The following PUM1 variants were observed in gnomAD, a reference collection of about 807,000 sequenced individuals.
PUM1 encodes the protein pumilio homolog 1.
Under a neutral mutation model 131.8 loss-of-function variants are expected in PUM1, and 13 were observed. That is an observed-to-expected ratio of 0.10 (90% CI 0.06 to 0.16). The LOEUF (loss-of-function observed/expected upper bound fraction) is 0.16. Ranked by LOEUF, PUM1 falls within the 10% of genes least tolerant of loss-of-function variation. The probability of loss-of-function intolerance (pLI) is 1.00; values close to 1 mark genes in which losing one functional copy is unlikely to be tolerated. For synonymous variants in PUM1, 509 were observed against 556.5 expected (o/e 0.91, Z 1.20); for missense variants, 961 against 1,512.4 (o/e 0.64, Z 6.05).
At position 30,932,588 on chromosome 1, in the gene PUM1, ATAAACT is replaced by A. The variant is rs1380099917; in HGVS notation, c.*617_*622del. 6.7e-6 allele frequency: 1 copy of A among 150,270 alleles called. No individual in the cohort carries two copies. Among genetic ancestry groups the A allele is most frequent in the Non-Finnish European group, 1.5e-5 (1 of 67,706 alleles). The allele number at this position is 150,270 out of a possible 1,614,324, so 9.3% of individuals were successfully genotyped here. ...CAAAAAAGGCATTTTTTAGAATTTC[ATAAACT>A]TAATGTCACAAACTGAAGCTTTAGC... On this transcript the variant is annotated 3_prime_UTR_variant, in exon 22 of 22. Coordinates refer to ENST00000426105, the MANE Select transcript of PUM1 (RefSeq NM_001020658.2).
intron 18 of PUM1, among the ~76,000 whole-genome samples, chr1:30,944,815 G>A (rs1485486639): frequency 1.3e-5 from 2 of 152,216 alleles, no homozygotes; most frequent in Non-Finnish European, 2.9e-5. Context: ...TTATGATGGT[G>A]TTTCATCCCA....
chr1:31,019,018 G>A (rs868252486), intron 3 of PUM1, among the ~76,000 whole-genome samples: 1 of 152,312 alleles, frequency 6.6e-6, no homozygotes, highest in East Asian at 1.9e-4. Flanking sequence ...AGAGCAAAAA[G>A]AGCAATCAAG....
intron 20 of PUM1, among the ~76,000 whole-genome samples, chr1:30,940,413 T>C (rs1639396727): frequency 6.6e-6 from 1 of 152,154 alleles, no homozygotes; most frequent in Non-Finnish European, 1.5e-5. Context: ...GAGGTGGAGC[T>C]TGCAGTGAGC....
chr1:30,957,613 TTAA>T (rs1205269007), intron 14 of PUM1, among the ~76,000 whole-genome samples: 1 of 152,256 alleles, frequency 6.6e-6, no homozygotes, highest in Admixed American at 6.5e-5. Context: ...TTTATTTAAA[TTAA>T]TAAGTGCTTC....
chr1:30,938,018 C>T (rs1017926765), intron 20 of PUM1, among the ~76,000 whole-genome samples: 3 of 152,072 alleles, frequency 2.0e-5, no homozygotes, highest in Non-Finnish European at 4.4e-5. Flanking sequence ...GCAATCTGCC[C>T]GCCTCAGCCT....
At chr1:30,970,364 T>C (rs948954737) in intron 10 of PUM1, among the ~76,000 whole-genome samples, 2 of 152,224 alleles carry the variant, frequency 1.3e-5, no homozygotes, top group African/African-American at 4.8e-5. Flanking sequence ...ACACTTAATT[T>C]GCCCAATCTT....
intron 2 of PUM1, among the ~76,000 whole-genome samples, chr1:31,049,032 C>G (rs1402900273): frequency 2.0e-5 from 3 of 151,494 alleles, no homozygotes; most frequent in Non-Finnish European, 4.4e-5. Context: ...ATGGCAAAAC[C>G]CCGTCTCTAC....
At chr1:31,010,517 C>T (rs1642573749) in intron 3 of PUM1, among the ~76,000 whole-genome samples, 1 of 152,134 alleles carries the variant, frequency 6.6e-6, no homozygotes, top group Non-Finnish European at 1.5e-5. Context: ...ATACAGACGC[C>T]ACATGAAGCC....
At chr1:31,043,969 A>G (rs1354078305) in intron 2 of PUM1, among the ~76,000 whole-genome samples, 1 of 152,208 alleles carries the variant, frequency 6.6e-6, no homozygotes, top group Non-Finnish European at 1.5e-5. Flanking sequence ...AAATGAAAGC[A>G]TGTCTACAGA....
intron 3 of PUM1, among the ~76,000 whole-genome samples, chr1:31,028,073 A>G (rs967794204): frequency 9.2e-5 from 14 of 152,198 alleles, no homozygotes; most frequent in African/African-American, 3.4e-4. Context: ...ATACATGCTT[A>G]TTGTCACAGC....
chr1:30,970,367 C>T (rs1283358405), intron 10 of PUM1, among the ~76,000 whole-genome samples: 2 of 152,106 alleles, frequency 1.3e-5, no homozygotes, highest in African/African-American at 4.8e-5. Flanking sequence ...CTTAATTTGC[C>T]CAATCTTTTA....
intron 1 of PUM1, among the ~76,000 whole-genome samples, chr1:31,062,754 C>A (rs1644398172): frequency 6.6e-6 from 1 of 152,176 alleles, no homozygotes; most frequent in Non-Finnish European, 1.5e-5. Context: ...CTTCTCCCAA[C>A]CCCCACTGTG....
In PUM1 at chr1:30,950,274, T is replaced by A. The variant is rs1156947613; in HGVS notation, c.2722-13A>T. The A allele has an allele frequency of 1.2e-6, 2 of 1,610,950 alleles. No homozygotes were observed. Among genetic ancestry groups the A allele is most frequent in the South Asian group, 1.1e-5 (1 of 90,264 alleles). ...CAAGACTGCCAAACTAGACATAATG[T>A]GTGGGTAAACACCATTACTTAAGTA... On this transcript the variant is annotated splice_polypyrimidine_tract_variant and intron_variant, in intron 16 of 21. Transcript: ENST00000426105.
intron 3 of PUM1, among the ~76,000 whole-genome samples, chr1:31,009,773 A>AAAAAAAAAC (rs1240955402): frequency 1.5e-5 from 1 of 67,978 alleles, no homozygotes; most frequent in Non-Finnish European, 3.7e-5. Flanking sequence ...GTCTCAAAAA[A>AAAAAAAAAC]AAAAAAAAAA....
rs1642514592 is a variant in PUM1 at position 31,009,446 on chromosome 1, A to G, written c.433-2344T>C. ...AATGTTTTAAGAGTTCATTCCTCAC[A>G]GAAACTTGTAAATGTTTATTTAAAA... On this transcript the variant is annotated intron_variant, in intron 3 of 21. Transcript: ENST00000426105. Among the ~76,000 whole-genome samples the G allele has an allele frequency of 3.9e-5, 6 of 152,160 alleles. No individual in the cohort carries two copies. In the South Asian group the frequency reaches 1.2e-3, roughly 32 times the overall value.
chr1:31,029,251 C>T (rs1643329103), intron 2 of PUM1, among the ~76,000 whole-genome samples: 1 of 152,164 alleles, frequency 6.6e-6, no homozygotes, highest in African/African-American at 2.4e-5. Flanking sequence ...CATGGCTCCT[C>T]CCCAGTTGTG....
intron 16 of PUM1, among the ~76,000 whole-genome samples, chr1:30,950,924 T>C (rs1046956430): frequency 6.6e-6 from 1 of 152,212 alleles, no homozygotes; most frequent in Non-Finnish European, 1.5e-5. Flanking sequence ...TGAAATAGTA[T>C]TCTACATCAT....
chr1:30,969,330 A>AAAG (rs1553146887), intron 10 of PUM1, among the ~76,000 whole-genome samples: 1 of 147,710 alleles, frequency 6.8e-6, no homozygotes, highest in East Asian at 1.9e-4. Flanking sequence ...AAAAAAAAAA[A>AAAG]AAAAAAGAAA....
intron 2 of PUM1, among the ~76,000 whole-genome samples, chr1:31,038,981 T>C (rs1643717219): frequency 2.6e-5 from 1 of 39,008 alleles, no homozygotes; most frequent in Non-Finnish European, 4.6e-5. Flanking sequence ...TATATATATA[T>C]ATATTTTTTT....
Sources: allele counts gnomAD v4.1 joint callset (sites outside exome capture counted in the v4.1 genomes callset), GRCh38; gene constraint gnomAD v4.1.1; transcripts MANE v1.5; gene names NCBI Gene and HGNC (gene_info 2026-07-23, HGNC 2026-07-21).